The following MEST variants were observed in gnomAD, a reference collection of about 807,000 sequenced individuals.
The protein encoded by MEST is mesoderm-specific transcript homolog protein.
A neutral mutation model predicts 50.9 loss-of-function variants in MEST; 18 were observed. The observed-to-expected ratio is 0.35, with a 90% CI of 0.24 to 0.52. The LOEUF (loss-of-function observed/expected upper bound fraction) is 0.52, where lower values mean the gene tolerates loss of function less well. MEST is among the 20% of genes least tolerant of loss of function. The probability of loss-of-function intolerance (pLI) is 0.94; values close to 1 mark genes in which losing one functional copy is unlikely to be tolerated. For missense variants in MEST, 282 were observed against 425.3 expected (o/e 0.66, Z 2.96); for synonymous variants, 130 against 154.1 (o/e 0.84, Z 1.16).
Position 130,500,635 on chromosome 7 carries a change from GGT to G in MEST, c.647+106_647+107del. ...CTAAGGCTTGATATTTTAAAGCAAA[GGT>G]GTTGGCCGCTTGCCAGGGAAGTAGA... On this transcript the variant is annotated intron_variant, in intron 8 of 11. Coordinates refer to ENST00000223215, the MANE Select transcript of MEST (RefSeq NM_002402.4). This position sits in a 1 kb window ranked among gnomAD's most constrained non-coding sequence, Gnocchi z 5.0. The G allele has an allele frequency of 7.6e-7, 1 of 1,311,966 alleles. No individual in the cohort carries two copies. Among genetic ancestry groups the G allele is most frequent in the Non-Finnish European group, 1.1e-6 (1 of 938,050 alleles). The allele number at this position is 1,311,966 out of a possible 1,614,324, so 81.3% of individuals were successfully genotyped here. A position where few individuals can be genotyped will look rare whatever the true frequency, so the allele number is the denominator to read the frequency against.
At position 130,505,111 on chromosome 7, in the gene MEST, AT is replaced by A. The variant is rs1466086654; in HGVS notation, c.*57del. ...TCCCCTACTCCCTTATGTGTTGTGTATTCCACTTAGGAAGAAATGCCCAAAA... is the reference window on the plus strand; with the variant it reads ...TCCCCTACTCCCTTATGTGTTGTGTATCCACTTAGGAAGAAATGCCCAAAA... On this transcript the variant is annotated 3_prime_UTR_variant, in exon 12 of 12. Coordinates refer to ENST00000223215, the MANE Select transcript of MEST (RefSeq NM_002402.4). The A allele has an allele frequency of 4.7e-6, 6 of 1,283,646 alleles. No individual in the cohort carries two copies. Among genetic ancestry groups the A allele is most frequent in the Non-Finnish European group, 6.8e-6 (6 of 886,978 alleles). 79.5% of individuals were successfully genotyped at this position (1,283,646 alleles called of 1,614,324 possible). A position where few individuals can be genotyped will look rare whatever the true frequency, so the allele number is the denominator to read the frequency against.
upstream of MEST, chr7:130,489,301 A>T (rs1554434479): frequency 6.6e-6 from 1 of 152,238 alleles, no homozygotes. Flanking sequence ...AGGGAGTACT[A>T]CTGCATGAGA....
rs1412531362 is a variant in MEST, at chr7:130,492,572, C to T, written c.26+233C>T. 3 of 379,208 alleles carry T rather than the reference C, an allele frequency of 7.9e-6. No homozygotes were observed. In the East Asian group the frequency reaches 1.1e-4, roughly 14 times the overall value. The allele number at this position is 379,208 out of a possible 1,614,324, so 23.5% of individuals were successfully genotyped here. A position where few individuals can be genotyped will look rare whatever the true frequency, so the allele number is the denominator to read the frequency against. Reference sequence around the variant, plus strand: ...TCCTTGGGTTAGGATTTCTAGACCCCGGGATCGTCGTGGTGAGATTTAGGA... The same window carrying T: ...TCCTTGGGTTAGGATTTCTAGACCCTGGGATCGTCGTGGTGAGATTTAGGA... On this transcript the variant is annotated intron_variant, in intron 1 of 11. Coordinates refer to ENST00000223215, the MANE Select transcript of MEST (RefSeq NM_002402.4). The surrounding 1 kb of genome is among the most constrained non-coding windows in gnomAD (Gnocchi z 7.6).
rs1798986218 is a variant in MEST at position 130,494,982 on chromosome 7, C to A, written c.27-386C>A. 2.6e-5 allele frequency: 8 copies of A among 308,932 alleles called. No homozygotes were observed. In the South Asian group the frequency reaches 1.0e-3, roughly 39 times the overall value. The allele number at this position is 308,932 out of a possible 1,614,324, so 19.1% of individuals were successfully genotyped here. ...TAAATAAGAAAGAAGTTATTTTTTT[C>A]CTGGGAAGCCTTGATAAAAGTCAAC... On this transcript the variant is annotated intron_variant, in intron 1 of 11. Transcript: ENST00000223215.
At chr7:130,496,918 C>G (rs1039917794) in intron 2 of MEST, 3 of 322,938 alleles carry the variant, frequency 9.3e-6, no homozygotes, top group Admixed American at 4.9e-5. Context: ...AAACAAGGTG[C>G]CTTCAAGTAT....
In MEST at chr7:130,500,417, C is replaced by T. The variant is rs115060164; in HGVS notation, c.577-45C>T. 1.8e-3 allele frequency: 2,809 copies of T among 1,557,504 alleles called. 42 individuals carry two copies. In the African/African-American group the frequency reaches 0.033, roughly 18 times the overall value. ...TAAAACCTTTTGCCCCGGTGAGGATCTTCCTCTGGGTTCTTGAGCTTTACC... is the reference window on the plus strand; with the variant it reads ...TAAAACCTTTTGCCCCGGTGAGGATTTTCCTCTGGGTTCTTGAGCTTTACC... On this transcript the variant is annotated intron_variant, in intron 7 of 11. Coordinates refer to ENST00000223215, the MANE Select transcript of MEST (RefSeq NM_002402.4). This position sits in a 1 kb window ranked among gnomAD's most constrained non-coding sequence, Gnocchi z 5.0.
Position 130,502,687 on chromosome 7 carries a change from T to C in MEST, c.793T>C (p.Trp265Arg). 6.2e-7 allele frequency: 1 copy of C among 1,613,954 alleles called. No individual in the cohort carries two copies. The highest frequency in any genetic ancestry group is 8.5e-7 in the Non-Finnish European group (1 of 1,179,888). ...INQRKKFRRR[W>R]VGALASVTIP... is the part of the protein sequence containing the mutation. ...TCAGAGGAAGAAGTTCAGAAGGCGC[T>C]GGGTGGGAGCTCTTGCCTCTGTAAC... is the stretch of plus-strand genomic sequence containing the variant. The change falls in exon 10 of 12, where the codon TGG becomes CGG. Residue 265 changes from tryptophan (W) to arginine (R), a missense_variant. By Grantham distance (101) the Trp-to-Arg change is moderately radical (BLOSUM62 -3). Coordinates refer to ENST00000223215, the MANE Select transcript of MEST (RefSeq NM_002402.4).
chr7:130,486,469 C>G (rs1798623655), intron 1 of MEST: 1 of 152,418 alleles, frequency 6.6e-6, no homozygotes, highest in African/African-American at 2.4e-5. Context: ...GGGACTAGCC[C>G]TCCTTGGGGG....
At position 130,497,102 on chromosome 7, in the gene MEST, G is replaced by A. The variant is rs1364479080; in HGVS notation, c.182-54G>A. 3 of 1,423,590 alleles carry A rather than the reference G, an allele frequency of 2.1e-6. No individual in the cohort carries two copies. Among genetic ancestry groups the A allele is most frequent in the East Asian group, 2.3e-5 (1 of 42,682 alleles). 88.2% of individuals were successfully genotyped at this position (1,423,590 alleles called of 1,614,324 possible). ...AGATTACTTAGATTTTAACATCTTC[G>A]AGGTTATTTTTATAGGGATTTGGCA... On this transcript the variant is annotated intron_variant, in intron 2 of 11. Transcript: ENST00000223215. This position sits in a 1 kb window ranked among gnomAD's most constrained non-coding sequence, Gnocchi z 4.0.
Position 130,498,229 on chromosome 7 carries a change from C to A in MEST, c.430C>A (p.Leu144Ile), listed in dbSNP as rs1367525465. 6.2e-7 allele frequency: 1 copy of A among 1,614,082 alleles called. No individual in the cohort carries two copies. The highest frequency in any genetic ancestry group is 8.5e-7 in the Non-Finnish European group (1 of 1,180,034). The stretch of plus-strand genomic sequence containing the variant: ...GCTCCAGAACCGCAGGATCAACCTT[C>A]TTTCTCATGACTATGGAGATATTGT... ...LGLQNRRINL[L>I]SHDYGDIVAQ... The change falls in exon 5 of 12, where the codon CTT becomes ATT. Residue 144 changes from leucine to isoleucine, a missense_variant. Coordinates refer to ENST00000223215, the MANE Select transcript of MEST (RefSeq NM_002402.4).
chr7:130,498,436 C>G lies in MEST; in HGVS notation c.494C>G (p.Ser165Cys), dbSNP rs1799152956. ...ELLYRYKQNR[S>C]GRLTIKSLCL... is the part of the protein sequence containing the mutation. ...CCTTCTAGGTACAAGCAGAATCGATCTGGTCGGCTTACCATAAAGAGTCTC... is the reference window on the plus strand; with the variant it reads ...CCTTCTAGGTACAAGCAGAATCGATGTGGTCGGCTTACCATAAAGAGTCTC... The change falls in exon 6 of 12, where the codon TCT becomes TGT. Residue 165 changes from serine (S) to cysteine (C), a missense_variant. Transcript: ENST00000223215. 2 of 1,614,150 alleles carry G rather than the reference C, an allele frequency of 1.2e-6. No homozygotes were observed. Among genetic ancestry groups the G allele is most frequent in the Non-Finnish European group, 1.7e-6 (2 of 1,180,040 alleles).
At position 130,500,838 on chromosome 7, in the gene MEST, T is replaced by C; in HGVS notation, c.697T>C (p.Trp233Arg). The C allele has an allele frequency of 6.2e-7, 1 of 1,614,004 alleles. No individual in the cohort carries two copies. Among genetic ancestry groups the C allele is most frequent in the East Asian group, 2.2e-5 (1 of 44,876 alleles). The change falls in exon 9 of 12, where the codon TGG (tryptophan) becomes CGG (arginine). Residue 233 changes from tryptophan (W) to arginine (R), a missense_variant. By Grantham distance (101) the Trp-to-Arg change is moderately radical. Transcript: ENST00000223215. The surrounding 1 kb of genome is among the most constrained non-coding windows in gnomAD (Gnocchi z 5.0). ...PYTRPSESEL[W>R]DMWAGIRNND... ...TACTCGGCCCTCTGAGAGTGAGCTG[T>C]GGGACATGTGGGCAGGGATCCGCAA...
chr7:130,498,093 T>C (rs1799134496), intron 4 of MEST, 46 bp from the exon 5 acceptor site: 1 of 1,614,046 alleles, frequency 6.2e-7, no homozygotes, highest in East Asian at 2.2e-5. Context: ...CAGAGAGAGC[T>C]GTCCTCATGA....
In MEST at chr7:130,500,518, T is replaced by C. The variant is rs150557584; in HGVS notation, c.633T>C (p.Phe211=). Residue 211 remains phenylalanine, a synonymous_variant, in exon 8 of 12, where the codon TTT becomes TTC. Coordinates refer to ENST00000223215, the MANE Select transcript of MEST (RefSeq NM_002402.4). The surrounding 1 kb of genome is among the most constrained non-coding windows in gnomAD (Gnocchi z 5.0). The stretch of plus-strand genomic sequence containing the variant: ...TCCTCACACGACTGATGAACTTCTT[T>C]GTATTCTCTCGAGGGTAAGTGTCAC... The part of the protein sequence containing the change: ...SPILTRLMNF[F]VFSRGLTPVF... 1.5e-4 allele frequency: 234 copies of C among 1,613,638 alleles called. No individual in the cohort carries two copies. The African/African-American group carries it at 2.6e-3, about 18-fold the overall frequency.
upstream of MEST, chr7:130,489,843 C>T (rs1798731921): frequency 6.6e-6 from 1 of 152,228 alleles, no homozygotes; most frequent in Admixed American, 6.5e-5. Context: ...ACTGTTTCTC[C>T]TCCAGTCTGC....
Position 130,500,731 on chromosome 7 carries a change from A to G in MEST, c.648-58A>G. The G allele has an allele frequency of 6.9e-7, 1 of 1,447,898 alleles. No homozygotes were observed. The highest frequency in any genetic ancestry group is 9.5e-7 in the Non-Finnish European group (1 of 1,051,262). 89.7% of individuals were successfully genotyped at this position (1,447,898 alleles called of 1,614,324 possible). ...CTGCATGGCCTCTGAGGTTCCAGCC[A>G]TATTGAACATTCTGAGTTCTCCTCA... On this transcript the variant is annotated intron_variant, in intron 8 of 11. Transcript: ENST00000223215. The surrounding 1 kb of genome is among the most constrained non-coding windows in gnomAD (Gnocchi z 5.0).
rs1799451116 is a variant in MEST at position 130,505,663 on chromosome 7, A to C, written c.*607A>C. ...ATTTTAGGTATGATTTAAGACTATG[A>C]TTTACCTATACATTATATATATTTT... On this transcript the variant is annotated 3_prime_UTR_variant, in exon 12 of 12. Coordinates refer to ENST00000223215, the MANE Select transcript of MEST (RefSeq NM_002402.4). 6.6e-6 allele frequency: 1 copy of C among 152,228 alleles called. No homozygotes were observed. The highest frequency in any genetic ancestry group is 2.4e-5 in the African/African-American group (1 of 41,452). The allele number at this position is 152,228 out of a possible 1,614,324, so 9.4% of individuals were successfully genotyped here.
Position 130,500,445 on chromosome 7 carries a change from C to T in MEST, c.577-17C>T. On this transcript the variant is annotated splice_polypyrimidine_tract_variant and intron_variant, in intron 7 of 11. Coordinates refer to ENST00000223215, the MANE Select transcript of MEST (RefSeq NM_002402.4). This position sits in a 1 kb window ranked among gnomAD's most constrained non-coding sequence, Gnocchi z 5.0. The stretch of plus-strand genomic sequence containing the variant: ...CCTCTGGGTTCTTGAGCTTTACCTC[C>T]ACTTATTCCCCTCCAGCTACTCAAA... 6.2e-7 allele frequency: 1 copy of T among 1,611,420 alleles called. No homozygotes were observed. The highest frequency in any genetic ancestry group is 8.5e-7 in the Non-Finnish European group (1 of 1,178,266).
upstream of MEST, chr7:130,490,704 G>A (rs1341722439): frequency 6.6e-6 from 1 of 152,202 alleles, no homozygotes; most frequent in Non-Finnish European, 1.5e-5. Flanking sequence ...CCTCCAGATG[G>A]CCCGTGTGTT....
Sources: allele counts gnomAD v4.1 joint callset, GRCh38; gene constraint gnomAD v4.1.1; non-coding constraint Gnocchi (gnomAD v3.1); transcripts MANE v1.5; gene names NCBI Gene and HGNC (gene_info 2026-07-23, HGNC 2026-07-21).